Variants in UBAP2 observed in about 807,000 individuals in gnomAD.
The protein encoded by UBAP2 is ubiquitin associated protein 2, also known as ubiquitin-associated protein 2.
Under a neutral mutation model 139.6 loss-of-function variants are expected in UBAP2, and 75 were observed. That is an observed-to-expected ratio of 0.54 (90% confidence interval 0.45 to 0.65). The LOEUF is 0.65. UBAP2 is among the 30% of genes least tolerant of loss of function. The probability of loss-of-function intolerance (pLI) is 0.00; values close to 1 mark genes in which losing one functional copy is unlikely to be tolerated. For synonymous variants in UBAP2, 526 were observed against 526.2 expected (o/e 1.00, Z 0.01); for missense variants, 1,368 against 1,369.6 (o/e 1.00, Z 0.02).
intron 1 of UBAP2, among the ~76,000 whole-genome samples, chr9:34,033,236 T>C (rs182598568): frequency 5.9e-5 from 9 of 152,222 alleles, no homozygotes; most frequent in East Asian, 3.9e-4. Flanking sequence ...AACAGGTGAA[T>C]AGATAAAACA....
At chr9:33,982,880 G>GTT (rs544925444) in intron 6 of UBAP2, among the ~76,000 whole-genome samples, 59 of 138,498 alleles carry the variant, frequency 4.3e-4, no homozygotes, top group East Asian at 8.5e-4. Flanking sequence ...GTTTTTTTTT[G>GTT]TTTTTTTTTT....
chr9:34,043,979 T>G (rs1774870754), intron 1 of UBAP2, among the ~76,000 whole-genome samples: 1 of 144,052 alleles, frequency 6.9e-6, no homozygotes, highest in Admixed American at 7.2e-5. Flanking sequence ...AATACGAAAA[T>G]TATCAGAGCA....
rs774267257 is a variant in UBAP2 at position 33,948,388 on chromosome 9, A to G, written c.1256T>C (p.Val419Ala). Residue 419 changes from valine to alanine, a missense_variant, in exon 13 of 29, where the codon GTC becomes GCC. Transcript: ENST00000379238. ...TGTATACCTACCAAGATGACTGAGG[A>G]CTGAGGACTGGGATGTTGGGGGCTT... ...DLKPPTSQSS[V>A]LSHLDFKSQP... 1.2e-6 allele frequency: 2 copies of G among 1,611,840 alleles called. No individual in the cohort carries two copies. The highest frequency in any genetic ancestry group is 1.1e-5 in the South Asian group (1 of 90,880).
chr9:33,940,116 G>A (rs561858196), intron 16 of UBAP2, among the ~76,000 whole-genome samples: 10 of 152,014 alleles, frequency 6.6e-5, no homozygotes, highest in South Asian at 6.3e-4. Flanking sequence ...AGGCCACGAC[G>A]ACAAGATTCC....
chr9:33,982,160 G>A (rs924877648), intron 6 of UBAP2, among the ~76,000 whole-genome samples: 1 of 152,134 alleles, frequency 6.6e-6, no homozygotes, highest in African/African-American at 2.4e-5. Context: ...AGAACTGCCA[G>A]CAGCCAGCAG....
At chr9:33,945,007 A>C (rs901603779) in intron 13 of UBAP2, among the ~76,000 whole-genome samples, 1 of 152,118 alleles carries the variant, frequency 6.6e-6, no homozygotes, top group Non-Finnish European at 1.5e-5. Flanking sequence ...ACTCATGCCT[A>C]TAATGCCAGC....
At chr9:34,024,922 T>A (rs1825280288) in intron 1 of UBAP2, among the ~76,000 whole-genome samples, 1 of 151,664 alleles carries the variant, frequency 6.6e-6, no homozygotes, top group African/African-American at 2.4e-5. Flanking sequence ...AGGCGGAGGT[T>A]GCAGTGAACC....
Position 33,924,192 on chromosome 9 carries a change from T to C in UBAP2, c.2590+14A>G, listed in dbSNP as rs73492961. The C allele has an allele frequency of 6.5e-4, 1,046 of 1,613,984 alleles. 10 individuals carry two copies. In the African/African-American group the frequency reaches 0.012, roughly 19 times the overall value. ...CCGGCCCCGGGCTACTCCTCATCCA[T>C]TGAGCAAACTCACCTGGATATGGAT... On this transcript the variant is annotated intron_variant, in intron 23 of 28. Coordinates refer to ENST00000379238, the MANE Select transcript of UBAP2 (RefSeq NM_001370062.2).
At chr9:33,996,849 G>C (rs1587632762) in intron 3 of UBAP2, 1 of 153,164 alleles carries the variant, frequency 6.5e-6, no homozygotes, top group Non-Finnish European at 1.5e-5. Context: ...TTGGGAGGCA[G>C]AGACGAGAGG....
intron 13 of UBAP2, among the ~76,000 whole-genome samples, chr9:33,947,981 C>CAA (rs34296980): frequency 4.6e-4 from 37 of 80,446 alleles, no homozygotes; most frequent in Middle Eastern, 0.015. Context: ...GACCCCATCT[C>CAA]AAAAAAAAAA....
chr9:34,016,364 C>CGGTGGTGGT (rs1564064359), intron 2 of UBAP2, among the ~76,000 whole-genome samples: 1 of 39,612 alleles, frequency 2.5e-5, no homozygotes, highest in Non-Finnish European at 5.0e-5. Context: ...GCAGCGGCGG[C>CGGTGGTGGT]AGCGGCGGTG....
chr9:33,960,885 G>C lies in UBAP2; in HGVS notation c.746-7C>G. ...ACAGAATTCTTCCAAGCCCCTGTTG[G>C]GAAACAACAGCAATCAAAGTTTATA... On this transcript the variant is annotated splice_polypyrimidine_tract_variant and splice_region_variant and intron_variant, in intron 9 of 28. Transcript: ENST00000379238. 1 of 1,613,810 alleles carries C rather than the reference G, an allele frequency of 6.2e-7. No individual in the cohort carries two copies. Among genetic ancestry groups the C allele is most frequent in the Non-Finnish European group, 8.5e-7 (1 of 1,179,858 alleles).
intron 19 of UBAP2, 55 bp from the exon 20 acceptor site, chr9:33,928,047 G>A (rs961514768): frequency 6.5e-7 from 1 of 1,542,726 alleles, no homozygotes; most frequent in Non-Finnish European, 8.7e-7. Context: ...GGAGGGTGCT[G>A]GGGAGAGCCT....
Position 33,989,032 on chromosome 9 carries a change from G to C in UBAP2, c.383C>G (p.Ser128Trp), listed in dbSNP as rs757955629. ...GTTGTTGTTTCCACGTCCACGACTC[G>C]ATTCTTTCTCGCTTTTCTTCTCTCT... ...ENREKKSEKE[S>W]SRGRGNNNRK... is the part of the protein sequence containing the mutation. The change falls in exon 5 of 29, where the codon TCG (serine) becomes TGG (tryptophan). Residue 128 changes from serine to tryptophan, a missense_variant. Ser to Trp is a radical substitution (Grantham distance 177). Coordinates refer to ENST00000379238, the MANE Select transcript of UBAP2 (RefSeq NM_001370062.2). 13 of 1,613,662 alleles carry C rather than the reference G, an allele frequency of 8.1e-6. No individual in the cohort carries two copies. The highest frequency in any genetic ancestry group is 1.1e-5 in the Non-Finnish European group (13 of 1,179,934).
intron 12 of UBAP2, chr9:33,949,009 A>G (rs1431833031): frequency 4.4e-5 from 7 of 160,776 alleles, no homozygotes; most frequent in Admixed American, 3.0e-4. Flanking sequence ...TACTAAAAAT[A>G]CAAAAAAATT....
intron 6 of UBAP2, among the ~76,000 whole-genome samples, chr9:33,981,341 C>A (rs1820742687): frequency 1.4e-5 from 2 of 139,560 alleles, no homozygotes; most frequent in Admixed American, 7.6e-5. Flanking sequence ...AAATAAAAGA[C>A]GGGGAAAGAT....
chr9:33,955,473 T>C (rs1346207014), intron 11 of UBAP2, among the ~76,000 whole-genome samples: 1 of 150,466 alleles, frequency 6.6e-6, no homozygotes, highest in Non-Finnish European at 1.5e-5. Context: ...TGAGCCGAGA[T>C]CGTGCCACTG....
intron 1 of UBAP2, among the ~76,000 whole-genome samples, chr9:34,023,523 T>A (rs1221144925): frequency 2.0e-5 from 3 of 152,308 alleles, no homozygotes; most frequent in African/African-American, 7.2e-5. Flanking sequence ...GTATCAACAT[T>A]AAGACTATAT....
At chr9:34,017,860 GAGGTTGC>G (rs1486139983) in intron 1 of UBAP2, among the ~76,000 whole-genome samples, 5 of 151,942 alleles carry the variant, frequency 3.3e-5, no homozygotes, top group Non-Finnish European at 7.4e-5. Flanking sequence ...CCGGGAGGCA[GAGGTTGC>G]AGTCAGCCGA....
Sources: allele counts gnomAD v4.1 joint callset (sites outside exome capture counted in the v4.1 genomes callset), GRCh38; gene constraint gnomAD v4.1.1; transcripts MANE v1.5; gene names NCBI Gene and HGNC (gene_info 2026-07-23, HGNC 2026-07-21).